The following PRKCE variants were observed in gnomAD, a reference collection of about 807,000 sequenced individuals.
The protein encoded by PRKCE is protein kinase C epsilon type.
PRKCE carries 16 observed loss-of-function variants against 85.4 expected under a neutral mutation model. The observed-to-expected ratio is 0.19, with a 90% CI of 0.13 to 0.28. The LOEUF is 0.28. Ranked by LOEUF, PRKCE falls within the 10% of genes least tolerant of loss-of-function variation. The probability of loss-of-function intolerance (pLI) is 1.00; values close to 1 mark genes in which losing one functional copy is unlikely to be tolerated. For missense variants in PRKCE, 573 were observed against 975.2 expected, an observed-to-expected ratio of 0.59 and a Z score of 5.49; for synonymous variants, 388 against 371.5, an observed-to-expected ratio of 1.04 and a Z score of -0.51.
intron 10 of PRKCE, among the ~76,000 whole-genome samples, chr2:46,045,840 C>G (rs1022559178): frequency 1.3e-5 from 2 of 151,690 alleles, no homozygotes; most frequent in African/African-American, 4.8e-5. Flanking sequence ...CGAGATCATA[C>G]CACTGCACTC....
At chr2:46,043,009 T>G (rs1473697627) in intron 10 of PRKCE, among the ~76,000 whole-genome samples, 1 of 152,220 alleles carries the variant, frequency 6.6e-6, no homozygotes, top group Non-Finnish European at 1.5e-5. Flanking sequence ...CCCTCTTTGT[T>G]TTGTTTTGTA....
At chr2:45,744,500 TTTTC>T (rs1173068102) in intron 1 of PRKCE, among the ~76,000 whole-genome samples, 2,076 of 84,634 alleles carry the variant, frequency 0.025, 151 homozygotes, top group African/African-American at 0.042. Flanking sequence ...TCTTTCTTTC[TTTTC>T]TTTCTTTCTT....
intron 2 of PRKCE, among the ~76,000 whole-genome samples, chr2:45,898,011 C>T (rs979751877): frequency 3.3e-5 from 5 of 152,188 alleles, no homozygotes; most frequent in Non-Finnish European, 7.3e-5. Flanking sequence ...CCAGCAGTTT[C>T]ATCTCAGTCA....
chr2:45,800,925 A>C lies in PRKCE; in HGVS notation c.349-42075A>C, dbSNP rs910463999. The stretch of plus-strand genomic sequence containing the variant: ...CTCTATGAGAGAGGCAGAAGAGCAG[A>C]TCATTACAATACCTGGAAACTAACG... On this transcript the variant is annotated intron_variant, in intron 1 of 14. Coordinates refer to ENST00000306156, the MANE Select transcript of PRKCE (RefSeq NM_005400.3). Among the ~76,000 whole-genome samples, 3 of 152,214 alleles carry C rather than the reference A, an allele frequency of 2.0e-5. No homozygotes were observed. In the South Asian group the frequency reaches 6.2e-4, roughly 32 times the overall value.
chr2:45,716,764 T>A (rs1353860669), intron 1 of PRKCE, among the ~76,000 whole-genome samples: 3 of 151,124 alleles, frequency 2.0e-5, no homozygotes, highest in Admixed American at 6.6e-5. Context: ...GACTGCAGAA[T>A]TTATAAAGAA....
intron 1 of PRKCE, chr2:45,770,707 A>G (rs1685249750): frequency 6.6e-6 from 1 of 152,158 alleles, no homozygotes; most frequent in African/African-American, 2.4e-5. Flanking sequence ...CAGCTCTCTA[A>G]CCGTACCCTC....
intron 1 of PRKCE, among the ~76,000 whole-genome samples, chr2:45,762,934 T>TTTCC (rs1684625810): frequency 7.2e-6 from 1 of 139,450 alleles, no homozygotes; most frequent in African/African-American, 2.7e-5. Flanking sequence ...GTGTTCTTTC[T>TTTCC]TTTCTTTTCT....
At position 46,004,690 on chromosome 2, in the gene PRKCE, C is replaced by G. The variant is rs1705016426; in HGVS notation, c.1063+52C>G. On this transcript the variant is annotated intron_variant, in intron 8 of 14. Coordinates refer to ENST00000306156, the MANE Select transcript of PRKCE (RefSeq NM_005400.3). The surrounding 1 kb of genome is among the most constrained non-coding windows in gnomAD (Gnocchi z 4.1). ...CCTCTGAGTTCTGCCATTGGATGGACCAAGGAGCTCTGAGGCCTCTTTAAC... is the reference window on the plus strand; with the variant it reads ...CCTCTGAGTTCTGCCATTGGATGGAGCAAGGAGCTCTGAGGCCTCTTTAAC... The G allele has an allele frequency of 4.1e-6, 6 of 1,446,888 alleles. No individual in the cohort carries two copies. The highest frequency in any genetic ancestry group is 2.4e-5 in the South Asian group (2 of 82,184). 89.6% of individuals were successfully genotyped at this position (1,446,888 alleles called of 1,614,324 possible). A position where few individuals can be genotyped will look rare whatever the true frequency, so the allele number is the denominator to read the frequency against.
At chr2:45,744,707 C>G (rs114032633) in intron 1 of PRKCE, among the ~76,000 whole-genome samples, 1,625 of 151,922 alleles carry the variant, frequency 0.011, 31 homozygotes, top group African/African-American at 0.037. Flanking sequence ...CTCCAGAGCT[C>G]AAGCGATTCT....
chr2:45,869,994 C>T (rs559108174), intron 2 of PRKCE, among the ~76,000 whole-genome samples: 1 of 152,306 alleles, frequency 6.6e-6, no homozygotes, highest in East Asian at 1.9e-4. Flanking sequence ...GCAAGAGCCA[C>T]TGCGCCCGGC....
chr2:45,976,856 ACTGTGT>A (rs1166185655), intron 3 of PRKCE, among the ~76,000 whole-genome samples: 1 of 94,210 alleles, frequency 1.1e-5, no homozygotes, highest in Non-Finnish European at 2.3e-5. Flanking sequence ...GGATATTGTG[ACTGTGT>A]GTGTGTGTGT....
At chr2:46,150,173 A>G (rs1676478028) in intron 12 of PRKCE, among the ~76,000 whole-genome samples, 1 of 152,210 alleles carries the variant, frequency 6.6e-6, no homozygotes, top group Admixed American at 6.5e-5. Context: ...TGTATTCAGT[A>G]GCATCATGTC....
intron 2 of PRKCE, among the ~76,000 whole-genome samples, chr2:45,972,496 T>G (rs1439879175): frequency 6.6e-6 from 1 of 152,272 alleles, no homozygotes; most frequent in African/African-American, 2.4e-5. Context: ...TTATTTTTGC[T>G]TTTGTTGCCT....
chr2:45,732,600 T>C (rs971684604), intron 1 of PRKCE, among the ~76,000 whole-genome samples: 1 of 152,206 alleles, frequency 6.6e-6, no homozygotes, highest in Admixed American at 6.5e-5. Flanking sequence ...CATTATAATA[T>C]CTTAGATGCT....
chr2:45,739,836 C>T (rs982571012), intron 1 of PRKCE, among the ~76,000 whole-genome samples: 4 of 152,146 alleles, frequency 2.6e-5, no homozygotes, highest in Middle Eastern at 6.3e-3. Context: ...GAAAATTTCA[C>T]AGTATGTAAA....
At chr2:45,732,510 G>A (rs1332168043) in intron 1 of PRKCE, among the ~76,000 whole-genome samples, 1 of 152,008 alleles carries the variant, frequency 6.6e-6, no homozygotes. Context: ...TTGAAAAAAG[G>A]TTTGAAGTCA....
intron 11 of PRKCE, among the ~76,000 whole-genome samples, chr2:46,095,480 A>G (rs1670596248): frequency 1.3e-5 from 2 of 152,212 alleles, no homozygotes; most frequent in Admixed American, 6.5e-5. Context: ...CCGTGCCAAG[A>G]AGAAAAGAGA....
At chr2:45,806,198 T>G (rs1688229242) in intron 1 of PRKCE, among the ~76,000 whole-genome samples, 1 of 152,158 alleles carries the variant, frequency 6.6e-6, no homozygotes, top group African/African-American at 2.4e-5. Flanking sequence ...ATAGAAGGAA[T>G]TTGCTTCGGG....
chr2:45,737,106 G>T (rs1010406377), intron 1 of PRKCE, among the ~76,000 whole-genome samples: 2 of 152,202 alleles, frequency 1.3e-5, no homozygotes, highest in Non-Finnish European at 2.9e-5. Context: ...TGCAGCATGG[G>T]GTTGGGGGCT....
Sources: gnomAD v4.1 joint callset for allele counts (sites outside exome capture counted in the v4.1 genomes callset) on GRCh38, gnomAD v4.1.1 for gene constraint, Gnocchi (gnomAD v3.1) non-coding constraint, MANE v1.5 for transcripts, NCBI Gene and HGNC (gene_info 2026-07-23, HGNC 2026-07-21) for gene names.